PTPRA: variants seen among roughly 807,000 people sequenced by gnomAD.
PTPRA encodes protein tyrosine phosphatase receptor type A.
Under a neutral mutation model 104.8 loss-of-function variants are expected in PTPRA, and 25 were observed. That is an observed-to-expected ratio of 0.24 (90% CI 0.17 to 0.33). The LOEUF (loss-of-function observed/expected upper bound fraction) is 0.33, where lower values mean the gene tolerates loss of function less well. Ranked by LOEUF, PTPRA falls within the 10% of genes least tolerant of loss-of-function variation. The pLI, the probability that PTPRA is intolerant of heterozygous loss-of-function variation, is 1.00. For missense variants in PTPRA, 765 were observed against 1,015.3 expected (o/e 0.75, Z 3.35); for synonymous variants, 323 against 368.9 (o/e 0.88, Z 1.43).
chr20:2,876,198 GA>G (rs1242722954), intron 1 of PTPRA, among the ~76,000 whole-genome samples: 1 of 152,210 alleles, frequency 6.6e-6, no homozygotes, highest in Admixed American at 6.5e-5. Flanking sequence ...AGACCCAGAG[GA>G]AGGTGTAGAG....
chr20:2,920,623 A>G (rs1040829465), intron 1 of PTPRA, among the ~76,000 whole-genome samples: 5 of 152,088 alleles, frequency 3.3e-5, no homozygotes, highest in Admixed American at 6.6e-5. Context: ...GGGAGTGATG[A>G]TGGGAATTTT....
intron 13 of PTPRA, among the ~76,000 whole-genome samples, chr20:3,018,221 GTT>G (rs2064570289): frequency 1.3e-5 from 2 of 152,146 alleles, no homozygotes; most frequent in African/African-American, 4.8e-5. Flanking sequence ...TTGTTGTTTT[GTT>G]TTGTTTTGTT....
chr20:2,891,359 C>T (rs538143333), intron 1 of PTPRA, among the ~76,000 whole-genome samples: 3 of 152,310 alleles, frequency 2.0e-5, no homozygotes, highest in African/African-American at 7.2e-5. Flanking sequence ...AGCAGGCCCT[C>T]ATGATCCAAC....
intron 1 of PTPRA, among the ~76,000 whole-genome samples, chr20:2,922,631 C>T (rs4283483): frequency 0.019 from 2,811 of 151,604 alleles, 86 homozygotes; most frequent in African/African-American, 0.062. Flanking sequence ...CATGAGCCAC[C>T]GCACCTGGCC....
chr20:2,959,710 T>C (rs2061678715), intron 3 of PTPRA, among the ~76,000 whole-genome samples: 1 of 152,160 alleles, frequency 6.6e-6, no homozygotes, highest in Non-Finnish European at 1.5e-5. Flanking sequence ...CCCAGCACTT[T>C]GGAAGGCCAA....
chr20:2,896,538 C>T lies in PTPRA; in HGVS notation c.-129+22778C>T, dbSNP rs765490284. ...TGTTGTACAATTGCGTCTTCTCTTT[C>T]TCACTTCACCCATCTATGTAATTTT... is the stretch of plus-strand genomic sequence containing the variant. On this transcript the variant is annotated intron_variant, in intron 1 of 23. Transcript: ENST00000399903. Among the ~76,000 whole-genome samples, 115 of 152,184 alleles carry T rather than the reference C, an allele frequency of 7.6e-4. 1 individual carries two copies. The highest frequency in any genetic ancestry group is 1.1e-3 in the Non-Finnish European group (72 of 68,042).
intron 2 of PTPRA, among the ~76,000 whole-genome samples, chr20:2,939,314 G>C (rs2060819226): frequency 6.6e-6 from 1 of 152,106 alleles, no homozygotes; most frequent in African/African-American, 2.4e-5. Flanking sequence ...AGTTTTGCTG[G>C]GATTAGGACT....
rs762888299 is a variant in PTPRA, at chr20:3,027,140, C to A, written c.1728C>A (p.Ile576=). The change falls in exon 19 of 24, where the codon ATC becomes ATA. Residue 576 remains isoleucine (I), a synonymous_variant. Transcript: ENST00000399903. ...QIIPYEFNRV[I]IPVKRGEENT... ...TTACAGATGAATTCAACAGAGTGAT[C>A]ATTCCAGTTAAGCGGGGCGAAGAGA... 6.2e-7 allele frequency: 1 copy of A among 1,614,014 alleles called. No individual in the cohort carries two copies. The highest frequency in any genetic ancestry group is 1.7e-5 in the Admixed American group (1 of 60,002).
intron 9 of PTPRA, among the ~76,000 whole-genome samples, chr20:3,002,671 AT>A (rs1209509812): frequency 1.3e-5 from 2 of 151,956 alleles, no homozygotes; most frequent in Non-Finnish European, 2.9e-5. Flanking sequence ...AAATGCATCC[AT>A]TTCCTTGTAT....
chr20:2,923,166 G>A, intron 1 of PTPRA, 41 bp from the exon 2 acceptor site: 2 of 886,882 alleles, frequency 2.3e-6, no homozygotes, highest in South Asian at 3.1e-5. Flanking sequence ...TCTGCTCAGG[G>A]ATGTTGTATA....
At position 2,906,681 on chromosome 20, in the gene PTPRA, T is replaced by C. The variant is rs188204305; in HGVS notation, c.-128-16526T>C. Reference sequence around the variant, plus strand: ...TTCAATAAATAATCATCAAAATTGATTGCAAGTATTTATCTATTAATGCAG... The same window carrying C: ...TTCAATAAATAATCATCAAAATTGACTGCAAGTATTTATCTATTAATGCAG... On this transcript the variant is annotated intron_variant, in intron 1 of 23. Coordinates refer to ENST00000399903, the MANE Select transcript of PTPRA (RefSeq NM_001385305.1). Among the ~76,000 whole-genome samples, 5 of 152,306 alleles carry C rather than the reference T, an allele frequency of 3.3e-5. No individual in the cohort carries two copies. In the East Asian group the frequency reaches 9.6e-4, roughly 29 times the overall value.
chr20:2,935,127 C>G (rs953385804), intron 2 of PTPRA, among the ~76,000 whole-genome samples: 14 of 152,144 alleles, frequency 9.2e-5, no homozygotes, highest in African/African-American at 3.1e-4. Context: ...ATTTTGTGTC[C>G]TTTGTTCAGT....
intron 9 of PTPRA, among the ~76,000 whole-genome samples, chr20:2,998,857 A>T (rs1054311652): frequency 1.3e-5 from 2 of 151,790 alleles, no homozygotes; most frequent in African/African-American, 2.4e-5. Context: ...AAACCCACAG[A>T]TTCATCAGAC....
intron 2 of PTPRA, among the ~76,000 whole-genome samples, chr20:2,924,080 CTG>C (rs1208718753): frequency 6.6e-6 from 1 of 152,150 alleles, no homozygotes; most frequent in Non-Finnish European, 1.5e-5. Context: ...GCCAGAAAAA[CTG>C]TAACCCAATC....
chr20:2,988,857 A>G (rs1423056710), intron 9 of PTPRA, among the ~76,000 whole-genome samples: 2 of 152,236 alleles, frequency 1.3e-5, no homozygotes, highest in African/African-American at 2.4e-5. Context: ...AAGAACAAAT[A>G]TAACTGTGTA....
rs116098315 is a variant in PTPRA, at chr20:2,885,352, T to C, written c.-129+11592T>C. The stretch of plus-strand genomic sequence containing the variant: ...CTCATAATTTGACACATGAAAACCT[T>C]AGAAACAATTTTGTAACCTAATAAA... On this transcript the variant is annotated intron_variant, in intron 1 of 23. Coordinates refer to ENST00000399903, the MANE Select transcript of PTPRA (RefSeq NM_001385305.1). 2.7e-3 allele frequency among the ~76,000 whole-genome samples: 417 copies of C among 152,344 alleles called. 3 individuals are homozygous for C. Among genetic ancestry groups the C allele is most frequent in the African/African-American group, 9.5e-3 (393 of 41,580 alleles).
rs568526820 is a variant in PTPRA at position 2,928,964 on chromosome 20, G to A, written c.-50+5679G>A. On this transcript the variant is annotated intron_variant, in intron 2 of 23. Coordinates refer to ENST00000399903, the MANE Select transcript of PTPRA (RefSeq NM_001385305.1). ...CCCACCTCAGCTTTCCAAGTAGCTG[G>A]AACTATAGGCATGCGCTACTACACC... 9.6e-4 allele frequency among the ~76,000 whole-genome samples: 145 copies of A among 151,656 alleles called. 2 individuals carry two copies. The highest frequency in any genetic ancestry group is 2.2e-3 in the Admixed American group (33 of 15,200).
intron 3 of PTPRA, among the ~76,000 whole-genome samples, chr20:2,956,806 G>A (rs2061553266): frequency 6.6e-6 from 1 of 152,090 alleles, no homozygotes; most frequent in Admixed American, 6.6e-5. Context: ...CTTGTACATG[G>A]GTCACTTTGA....
At chr20:3,027,044 C>T (rs1026955209) in intron 18 of PTPRA, 77 bp from the exon 19 acceptor site, 6 of 1,168,964 alleles carry the variant, frequency 5.1e-6, no homozygotes, top group Non-Finnish European at 7.3e-6. Context: ...CTGCCCAGGG[C>T]CTGAGGTGGG....
Sources: allele counts gnomAD v4.1 joint callset (sites outside exome capture counted in the v4.1 genomes callset), GRCh38; gene constraint gnomAD v4.1.1; transcripts MANE v1.5; gene names NCBI Gene and HGNC (gene_info 2026-07-23, HGNC 2026-07-21).